The following DCTN5 variants were observed in gnomAD, a reference collection of about 807,000 sequenced individuals.
DCTN5 encodes the protein dynactin subunit 5.
Under a neutral mutation model 23.5 loss-of-function variants are expected in DCTN5, and 14 were observed. The ratio of observed to expected loss-of-function variants is 0.60; its 90% CI spans 0.39 to 0.93. The LOEUF is 0.93. Ranked by LOEUF, DCTN5 falls within the 40% of genes least tolerant of loss-of-function variation. DCTN5 has a pLI of 0.00. For missense variants in DCTN5, 156 were observed against 225.9 expected, an observed-to-expected ratio of 0.69 and a Z score of 1.98; for synonymous variants, 67 against 79.6, an observed-to-expected ratio of 0.84 and a Z score of 0.84.
intron 2 of DCTN5, among the ~76,000 whole-genome samples, chr16:23,654,612 T>A (rs8063004): frequency 0.018 from 2,754 of 152,130 alleles, 78 homozygotes; most frequent in African/African-American, 0.063. Context: ...CTTAAAAGTT[T>A]AAAAAAAATT....
At position 23,676,927 on chromosome 16, in the gene DCTN5, G is replaced by A. The variant is rs1019280324; in HGVS notation, c.*9783G>A. The A allele has an allele frequency of 6.6e-6, 1 of 152,210 alleles. No homozygotes were observed. Among genetic ancestry groups the A allele is most frequent in the Non-Finnish European group, 1.5e-5 (1 of 68,040 alleles). 9.4% of individuals were successfully genotyped at this position (152,210 alleles called of 1,614,324 possible). A position where few individuals can be genotyped will look rare whatever the true frequency, so the allele number is the denominator to read the frequency against. The stretch of plus-strand genomic sequence containing the variant: ...ACAATGTGGGTTATGCCCAACATCT[G>A]CTTTCCTTCTGGGAGTCAGATTTTC... On this transcript the variant is annotated 3_prime_UTR_variant, in exon 6 of 6. Transcript: ENST00000300087.
intron 2 of DCTN5, among the ~76,000 whole-genome samples, chr16:23,649,837 C>CAAAAAA (rs1175500177): frequency 1.8e-5 from 1 of 55,968 alleles, no homozygotes; most frequent in Non-Finnish European, 4.1e-5. Flanking sequence ...GACTCTGTCT[C>CAAAAAA]AAAAAAAAAA....
chr16:23,661,368 T>A, intron 4 of DCTN5, 87 bp downstream of exon 4: 1 of 930,178 alleles, frequency 1.1e-6, no homozygotes, highest in Non-Finnish European at 1.7e-6. Flanking sequence ...TTTCTGTGAC[T>A]AAGCAGGGTA....
chr16:23,674,613 A>C lies in DCTN5; in HGVS notation c.*7469A>C, dbSNP rs1051284478. On this transcript the variant is annotated 3_prime_UTR_variant, in exon 6 of 6. Transcript: ENST00000300087. ...GCTTAGTAAGGTAGGTGGATTATTA[A>C]AACGTAGCTGTCCCCAGAAAGGTAT... 1 of 152,198 alleles carries C rather than the reference A, an allele frequency of 6.6e-6. No individual in the cohort carries two copies. Among genetic ancestry groups the C allele is most frequent in the African/African-American group, 2.4e-5 (1 of 41,448 alleles). The allele number at this position is 152,198 out of a possible 1,614,324, so 9.4% of individuals were successfully genotyped here.
In DCTN5 at chr16:23,665,740, T is replaced by C. The variant is rs759291968; in HGVS notation, c.451+12T>C. 13 of 1,598,698 alleles carry C rather than the reference T, an allele frequency of 8.1e-6. No individual in the cohort carries two copies. The East Asian group carries it at 2.5e-4, about 30-fold the overall frequency. On this transcript the variant is annotated intron_variant, in intron 5 of 5. Transcript: ENST00000300087. ...CTCAGGCTGCCCAGGTAACCTTGGCTGTTGATTAATTTTATTTTAACTTCC... is the reference window on the plus strand; with the variant it reads ...CTCAGGCTGCCCAGGTAACCTTGGCCGTTGATTAATTTTATTTTAACTTCC...
At chr16:23,661,587 G>A (rs990751577) in intron 4 of DCTN5, among the ~76,000 whole-genome samples, 3 of 152,004 alleles carry the variant, frequency 2.0e-5, no homozygotes, top group Admixed American at 6.6e-5. Context: ...GCATGGTGGC[G>A]CATGCCTGTA....
At chr16:23,665,555 TG>T in intron 4 of DCTN5, 70 bp from the exon 5 acceptor site, 1 of 1,415,412 alleles carries the variant, frequency 7.1e-7, no homozygotes, top group Non-Finnish European at 9.7e-7. Context: ...GTATCATGAA[TG>T]GGGAAAATAG....
chr16:23,667,407 A>G lies in DCTN5; in HGVS notation c.*263A>G. 2.1e-6 allele frequency: 1 copy of G among 468,490 alleles called. No homozygotes were observed. Among genetic ancestry groups the G allele is most frequent in the South Asian group, 2.5e-5 (1 of 40,616 alleles). The allele number at this position is 468,490 out of a possible 1,614,324, so 29.0% of individuals were successfully genotyped here. ...AGTCACTTTGTACCATTATCTGTGG[A>G]ACACAGAATCATCTGTTCCCAACAC... On this transcript the variant is annotated 3_prime_UTR_variant, in exon 6 of 6. Transcript: ENST00000300087.
intron 2 of DCTN5, among the ~76,000 whole-genome samples, chr16:23,655,236 G>T (rs249869): frequency 0.29 from 44,651 of 151,958 alleles, 6,658 homozygotes; most frequent in East Asian, 0.44. Flanking sequence ...GGATATATAA[G>T]GAATTCCCAC....
intron 2 of DCTN5, among the ~76,000 whole-genome samples, chr16:23,655,027 A>G (rs1454761515): frequency 2.6e-5 from 4 of 152,216 alleles, no homozygotes; most frequent in African/African-American, 9.6e-5. Context: ...GATATATACC[A>G]CATTTTCTTT....
intron 2 of DCTN5, among the ~76,000 whole-genome samples, chr16:23,649,937 G>A (rs908688399): frequency 9.2e-5 from 14 of 151,766 alleles, no homozygotes; most frequent in Admixed American, 2.6e-4. Flanking sequence ...TGTTTTCCCA[G>A]CACCATTTAT....
chr16:23,653,185 A>G (rs919498722), intron 2 of DCTN5, among the ~76,000 whole-genome samples: 6 of 152,332 alleles, frequency 3.9e-5, no homozygotes, highest in Admixed American at 2.0e-4. Context: ...TGGGATACTC[A>G]TCACCTTAAA....
rs770800322 is a variant in DCTN5, at chr16:23,673,841, C to T, written c.*6697C>T. 5 of 152,196 alleles carry T rather than the reference C, an allele frequency of 3.3e-5. No homozygotes were observed. Among genetic ancestry groups the T allele is most frequent in the Admixed American group, 6.5e-5 (1 of 15,280 alleles). The allele number at this position is 152,196 out of a possible 1,614,324, so 9.4% of individuals were successfully genotyped here. A position where few individuals can be genotyped will look rare whatever the true frequency, so the allele number is the denominator to read the frequency against. On this transcript the variant is annotated 3_prime_UTR_variant, in exon 6 of 6. Transcript: ENST00000300087. ...GAGACAACATGTAAAGAGAAGCAAT[C>T]TGTTTGGAAAATGAAAATACAGTTA... is the stretch of plus-strand genomic sequence containing the variant.
At position 23,672,312 on chromosome 16, in the gene DCTN5, A is replaced by C. The variant is rs1017879847; in HGVS notation, c.*5168A>C. 4 of 152,240 alleles carry C rather than the reference A, an allele frequency of 2.6e-5. No individual in the cohort carries two copies. Among genetic ancestry groups the C allele is most frequent in the African/African-American group, 9.6e-5 (4 of 41,470 alleles). 9.4% of individuals were successfully genotyped at this position (152,240 alleles called of 1,614,324 possible). A position where few individuals can be genotyped will look rare whatever the true frequency, so the allele number is the denominator to read the frequency against. ...ATTATAAGAACCTTAGGAAATAGGC[A>C]CATCATCTCCTGGATAGAATCCTAG... On this transcript the variant is annotated 3_prime_UTR_variant, in exon 6 of 6. Transcript: ENST00000300087.
At chr16:23,643,339 C>G (rs1444122358) in intron 2 of DCTN5, among the ~76,000 whole-genome samples, 2 of 151,506 alleles carry the variant, frequency 1.3e-5, no homozygotes, top group Admixed American at 1.3e-4. Context: ...TTACAGGCAG[C>G]TGCCACCAAG....
Position 23,667,761 on chromosome 16 carries a change from A to G in DCTN5, c.*617A>G, listed in dbSNP as rs141776670. ...TTAGCTGTCCTAGGATAGTTAGTAA[A>G]AGACTTTTTAGCATTTTGACCTAGG... On this transcript the variant is annotated 3_prime_UTR_variant, in exon 6 of 6. Transcript: ENST00000300087. 1 of 152,464 alleles carries G rather than the reference A, an allele frequency of 6.6e-6. No individual in the cohort carries two copies. The highest frequency in any genetic ancestry group is 1.9e-4 in the East Asian group (1 of 5,188). The allele number at this position is 152,464 out of a possible 1,614,324, so 9.4% of individuals were successfully genotyped here.
intron 2 of DCTN5, among the ~76,000 whole-genome samples, chr16:23,647,548 G>A (rs1967495336): frequency 6.8e-6 from 1 of 147,178 alleles, no homozygotes; most frequent in Non-Finnish European, 1.5e-5. Context: ...TTGCCCTGTT[G>A]CCCAGGCTGG....
intron 2 of DCTN5, among the ~76,000 whole-genome samples, chr16:23,652,741 A>G (rs1471652110): frequency 6.6e-6 from 1 of 152,256 alleles, no homozygotes; most frequent in African/African-American, 2.4e-5. Context: ...GTTTCATATA[A>G]TTAGAATCAC....
intron 2 of DCTN5, among the ~76,000 whole-genome samples, chr16:23,645,137 A>ATATATTT (rs1555462995): frequency 6.5e-5 from 2 of 30,806 alleles, no homozygotes; most frequent in Non-Finnish European, 1.1e-4. Flanking sequence ...ATATATATAT[A>ATATATTT]TTTTTTTTTT....
Sources: allele counts gnomAD v4.1 joint callset (sites outside exome capture counted in the v4.1 genomes callset), GRCh38; gene constraint gnomAD v4.1.1; transcripts MANE v1.5; gene names NCBI Gene and HGNC (gene_info 2026-07-23, HGNC 2026-07-21).